PPFIA3: variants seen among roughly 807,000 people sequenced by gnomAD.
PPFIA3 encodes liprin-alpha-3.
PPFIA3 carries 26 observed loss-of-function variants against 145.8 expected under a neutral mutation model. The ratio of observed to expected loss-of-function variants is 0.18; its 90% confidence interval spans 0.13 to 0.25. PPFIA3 has a LOEUF of 0.25. PPFIA3 is among the 10% of genes least tolerant of loss of function. The pLI is 1.00. For synonymous variants in PPFIA3, 645 were observed against 661.4 expected, an observed-to-expected ratio of 0.98 and a Z score of 0.38; for missense variants, 1,008 against 1,587.8, an observed-to-expected ratio of 0.63 and a Z score of 6.21.
intron 23 of PPFIA3, among the ~76,000 whole-genome samples, chr19:49,147,738 TAA>T (rs2041297677): frequency 1.2e-5 from 1 of 83,678 alleles, no homozygotes; most frequent in African/African-American, 7.8e-5. Flanking sequence ...AATTTAAAAA[TAA>T]ATATAATGTA....
At position 49,128,803 on chromosome 19, in the gene PPFIA3, T is replaced by C; in HGVS notation, c.343-45T>C. ...TCACCCTTTTTCTCACATCTGCCCC[T>C]TTTCCCTTGCCTCTTTTCCTTGACC... On this transcript the variant is annotated intron_variant, in intron 3 of 29. Coordinates refer to ENST00000334186, the MANE Select transcript of PPFIA3 (RefSeq NM_003660.4). The surrounding 1 kb of genome is among the most constrained non-coding windows in gnomAD (Gnocchi z 4.1). The C allele has an allele frequency of 6.6e-7, 1 of 1,525,788 alleles. No homozygotes were observed. Among genetic ancestry groups the C allele is most frequent in the Non-Finnish European group, 8.8e-7 (1 of 1,132,728 alleles). 94.5% of individuals were successfully genotyped at this position (1,525,788 alleles called of 1,614,324 possible).
chr19:49,127,383 T>TAAAA (rs34030131), intron 1 of PPFIA3, among the ~76,000 whole-genome samples: 430 of 27,130 alleles, frequency 0.016, 7 homozygotes, highest in Middle Eastern at 0.056. Context: ...TCACTCCAGC[T>TAAAA]AAAAAAAAAA....
rs1215743089 is a variant in PPFIA3 at position 49,137,632 on chromosome 19, A to C, written c.1854-573A>C. On this transcript the variant is annotated intron_variant, in intron 15 of 29. Coordinates refer to ENST00000334186, the MANE Select transcript of PPFIA3 (RefSeq NM_003660.4). Reference sequence around the variant, plus strand: ...CTACAGAGCGAGACTCCGTGTCAAAAAAAAAAAAAAAAAAAAAAAAAAAAA... The same window carrying C: ...CTACAGAGCGAGACTCCGTGTCAAACAAAAAAAAAAAAAAAAAAAAAAAAA... Among the ~76,000 whole-genome samples the C allele has an allele frequency of 3.3e-3, 137 of 41,098 alleles. 1 individual carries two copies. The highest frequency in any genetic ancestry group is 0.022 in the African/African-American group (131 of 6,032). The allele number at this position is 41,098 out of a possible 152,430, so 27.0% of individuals were successfully genotyped here.
Position 49,128,169 on chromosome 19 carries a change from C to T in PPFIA3, c.240+56C>T, listed in dbSNP as rs2041026761. On this transcript the variant is annotated intron_variant, in intron 2 of 29. Coordinates refer to ENST00000334186, the MANE Select transcript of PPFIA3 (RefSeq NM_003660.4). The surrounding 1 kb of genome is among the most constrained non-coding windows in gnomAD (Gnocchi z 4.1). ...GGGCGGGGCCTCGGGGGGAAGAAGGCGGTCCGGAAGGGGCCGGGCTTGGCG... is the reference window on the plus strand; with the variant it reads ...GGGCGGGGCCTCGGGGGGAAGAAGGTGGTCCGGAAGGGGCCGGGCTTGGCG... 3 of 1,449,410 alleles carry T rather than the reference C, an allele frequency of 2.1e-6. No individual in the cohort carries two copies. The highest frequency in any genetic ancestry group is 2.7e-6 in the Non-Finnish European group (3 of 1,103,230). 89.8% of individuals were successfully genotyped at this position (1,449,410 alleles called of 1,614,324 possible).
intron 7 of PPFIA3, among the ~76,000 whole-genome samples, chr19:49,132,067 A>G (rs2041080227): frequency 6.7e-6 from 1 of 149,680 alleles, no homozygotes; most frequent in South Asian, 2.1e-4. Flanking sequence ...TGGGAGGTGG[A>G]AGTTGCAGTA....
chr19:49,131,487 A>G (rs995928340), intron 7 of PPFIA3, among the ~76,000 whole-genome samples: 3 of 151,524 alleles, frequency 2.0e-5, no homozygotes, highest in African/African-American at 7.3e-5. Context: ...CAGCCTCTAA[A>G]TGGAATGTTT....
intron 16 of PPFIA3, 67 bp downstream of exon 16, chr19:49,138,494 G>GT: frequency 7.5e-7 from 1 of 1,339,306 alleles, no homozygotes; most frequent in Non-Finnish European, 9.9e-7. Context: ...GGGCTCCCCA[G>GT]TGTACAGCAA....
chr19:49,137,433 A>T (rs1259525949), intron 15 of PPFIA3, among the ~76,000 whole-genome samples: 1 of 152,058 alleles, frequency 6.6e-6, no homozygotes, highest in African/African-American at 2.4e-5. Context: ...GATAGAGACC[A>T]TCCTGGCTAA....
Position 49,127,955 on chromosome 19 carries a change from C to G in PPFIA3, c.82C>G (p.Leu28Val). The G allele has an allele frequency of 6.3e-7, 1 of 1,594,960 alleles. No individual in the cohort carries two copies. The highest frequency in any genetic ancestry group is 2.2e-5 in the East Asian group (1 of 44,686). ...GGGCCCGGACGAGGCGGGCGGGGAG[C>G]TGGAGCGCCTCATGGTCACGATGCT... ...ALGPDEAGGE[L>V]ERLMVTMLTE... Residue 28 changes from leucine (L) to valine (V), a missense_variant, in exon 2 of 30, where the codon CTG becomes GTG. Physicochemically the swap from Leu to Val is conservative, Grantham distance 32. This residue lies in a region of PPFIA3 where 108 missense variants were observed against 144.3 expected (regional missense o/e 0.75). Transcript: ENST00000334186.
At chr19:49,140,552 T>C (rs2041207088) in intron 18 of PPFIA3, among the ~76,000 whole-genome samples, 1 of 151,128 alleles carries the variant, frequency 6.6e-6, no homozygotes, top group African/African-American at 2.4e-5. Context: ...GGTTTCCTCA[T>C]GTTGGCCAGG....
At chr19:49,147,697 A>AGG (rs1954844158) in intron 23 of PPFIA3, among the ~76,000 whole-genome samples, 1 of 145,434 alleles carries the variant, frequency 6.9e-6, no homozygotes, top group Non-Finnish European at 1.5e-5. Flanking sequence ...AGAGAGAGAG[A>AGG]GAGAGAGAGA....
chr19:49,125,615 C>T (rs1389954579), intron 1 of PPFIA3, among the ~76,000 whole-genome samples: 2 of 152,154 alleles, frequency 1.3e-5, no homozygotes, highest in African/African-American at 4.8e-5. Flanking sequence ...TCCCAGAACT[C>T]CTGGGTCCTG....
chr19:49,126,845 A>T (rs1002504100), intron 1 of PPFIA3, among the ~76,000 whole-genome samples: 4 of 151,356 alleles, frequency 2.6e-5, no homozygotes, highest in Non-Finnish European at 5.9e-5. Flanking sequence ...GTAGACACTG[A>T]TTTTCTCCAC....
In PPFIA3 at chr19:49,143,002, A is replaced by G. The variant is rs1293378693; in HGVS notation, c.2743A>G (p.Thr915Ala). The change falls in exon 21 of 30, where the codon ACT becomes GCT. Residue 915 changes from threonine (T) to alanine (A), a missense_variant and splice_region_variant. By Grantham distance (58) the Thr-to-Ala change is moderately conservative. Transcript: ENST00000334186. ...TSPSAPASSR[T>A]STGNVWMTHE... ...GCCCTCAGCCCCCGCCTCCTCCCGC[A>G]CTGTGAGTGTCCGGCGGCCAATTCC... 7 of 1,603,742 alleles carry G rather than the reference A, an allele frequency of 4.4e-6. No homozygotes were observed. Among genetic ancestry groups the G allele is most frequent in the Admixed American group, 3.3e-5 (2 of 59,948 alleles).
At position 49,148,142 on chromosome 19, in the gene PPFIA3, G is replaced by C; in HGVS notation, c.2895G>C (p.Leu965=). 1 of 1,614,198 alleles carries C rather than the reference G, an allele frequency of 6.2e-7. No homozygotes were observed. The highest frequency in any genetic ancestry group is 8.5e-7 in the Non-Finnish European group (1 of 1,180,032). The change falls in exon 24 of 30, where the codon CTG becomes CTC. Residue 965 remains leucine, a synonymous_variant. Transcript: ENST00000334186. The stretch of plus-strand genomic sequence containing the variant: ...TGGGGAACGACTGGCTGCCCAGCCT[G>C]GGGCTGCCCCAATACCGCAGCTACT... ...EWVGNDWLPS[L]GLPQYRSYFM...
chr19:49,146,618 G>A (rs781320940), intron 23 of PPFIA3, among the ~76,000 whole-genome samples: 3 of 152,140 alleles, frequency 2.0e-5, no homozygotes, highest in Non-Finnish European at 4.4e-5. Context: ...GGGAGGAGGA[G>A]CTACACTTTG....
Position 49,133,933 on chromosome 19 carries a change from T to G in PPFIA3, c.1245+54T>G. On this transcript the variant is annotated intron_variant, in intron 10 of 29. Transcript: ENST00000334186. The surrounding 1 kb of genome is among the most constrained non-coding windows in gnomAD (Gnocchi z 7.2). ...TGGGGCTTCGAGGCTGGGGCGGAGC[T>G]TAATAAGGAGGCTGGGCTGGGCCCG... 6.2e-7 allele frequency: 1 copy of G among 1,609,594 alleles called. No individual in the cohort carries two copies. The highest frequency in any genetic ancestry group is 8.5e-7 in the Non-Finnish European group (1 of 1,177,964).
In PPFIA3 at chr19:49,139,785, G is replaced by C. The variant is rs756096973; in HGVS notation, c.2194G>C (p.Ala732Pro). The C allele has an allele frequency of 6.2e-7, 1 of 1,613,442 alleles. No homozygotes were observed. Among genetic ancestry groups the C allele is most frequent in the East Asian group, 2.2e-5 (1 of 44,864 alleles). Residue 732 changes from alanine to proline, a missense_variant, in exon 17 of 30, where the codon GCA becomes CCA. By Grantham distance (27) the Ala-to-Pro change is conservative. This residue lies in a region of PPFIA3 where 202 missense variants were observed against 241.8 expected (regional missense o/e 0.84). Transcript: ENST00000334186. ...ARLERMTQAL[A>P]LQAGSLEDGG... Reference sequence around the variant, plus strand: ...TCTTGAGAGAATGACCCAGGCCTTGGCACTGCAGGCGGGGTCCCTGGAAGA... The same window carrying C: ...TCTTGAGAGAATGACCCAGGCCTTGCCACTGCAGGCGGGGTCCCTGGAAGA...
In PPFIA3 at chr19:49,148,110, G is replaced by A. The variant is rs1353988342; in HGVS notation, c.2863G>A (p.Glu955Lys). The part of the protein sequence containing the change: ...QILAYGDMNH[E>K]WVGNDWLPSL... ...CCTGGCATATGGCGACATGAACCACGAGTGGGTGGGGAACGACTGGCTGCC... is the reference window on the plus strand; with the variant it reads ...CCTGGCATATGGCGACATGAACCACAAGTGGGTGGGGAACGACTGGCTGCC... The change falls in exon 24 of 30, where the codon GAG (glutamate) becomes AAG (lysine). Residue 955 changes from glutamate to lysine, a missense_variant. Around this residue, in one of 11 missense-constraint regions of PPFIA3, gnomAD observed 154 missense variants for 369.2 expected, o/e 0.42. Transcript: ENST00000334186. The A allele has an allele frequency of 2.5e-6, 4 of 1,613,636 alleles. No individual in the cohort carries two copies. The highest frequency in any genetic ancestry group is 1.3e-5 in the African/African-American group (1 of 74,942).
Sources: allele counts gnomAD v4.1 joint callset (sites outside exome capture counted in the v4.1 genomes callset), GRCh38; gene constraint gnomAD v4.1.1; regional missense constraint gnomAD v4.1.1; non-coding constraint Gnocchi (gnomAD v3.1); transcripts MANE v1.5; gene names NCBI Gene and HGNC (gene_info 2026-07-23, HGNC 2026-07-21).